Variants in KAT6B observed in about 807,000 individuals in gnomAD.
The protein encoded by KAT6B is lysine acetyltransferase 6B.
In KAT6B, 10 loss-of-function variants were observed where a neutral mutation model predicts 187.5. The observed-to-expected ratio is 0.05, with a 90% confidence interval of 0.03 to 0.09. The LOEUF (loss-of-function observed/expected upper bound fraction) is 0.09, where lower values mean the gene tolerates loss of function less well. Among genes scored for constraint, KAT6B ranks in the 10% least tolerant of loss-of-function variants. KAT6B has a pLI of 1.00. For synonymous variants in KAT6B, 861 were observed against 926.8 expected, an observed-to-expected ratio of 0.93 and a Z score of 1.29; for missense variants, 1,952 against 2,558.9, an observed-to-expected ratio of 0.76 and a Z score of 5.12.
At chr10:74,952,288 C>G (rs1450095001) in intron 3 of KAT6B, among the ~76,000 whole-genome samples, 1 of 286 alleles carries the variant, frequency 3.5e-3, no homozygotes, top group Non-Finnish European at 7.7e-3. Context: ...CCCTGGAGAT[C>G]GAGCTGGAGT....
intron 3 of KAT6B, among the ~76,000 whole-genome samples, chr10:74,926,571 C>T (rs965824346): frequency 6.6e-6 from 1 of 152,212 alleles, no homozygotes; most frequent in African/African-American, 2.4e-5. Flanking sequence ...GACGGAGGTC[C>T]TTTCTTGGGC....
rs571870889 is a variant in KAT6B, at chr10:74,929,356, A to G, written c.622-30614A>G. Among the ~76,000 whole-genome samples the G allele has an allele frequency of 2.0e-5, 3 of 152,292 alleles. No individual in the cohort carries two copies. The South Asian group carries it at 6.2e-4, about 32-fold the overall frequency. On this transcript the variant is annotated intron_variant, in intron 3 of 17. Transcript: ENST00000287239. ...TCTGTTTTGAAAACATTCCGTTTCTACCCTGTATTACAGATGCTCTTGCGT... is the reference window on the plus strand; with the variant it reads ...TCTGTTTTGAAAACATTCCGTTTCTGCCCTGTATTACAGATGCTCTTGCGT...
At chr10:74,905,739 A>T (rs1316220023) in intron 3 of KAT6B, among the ~76,000 whole-genome samples, 1 of 152,154 alleles carries the variant, frequency 6.6e-6, no homozygotes, top group Non-Finnish European at 1.5e-5. Flanking sequence ...AGGAGTTAGA[A>T]TTGTCTGGAA....
At chr10:74,915,028 G>C (rs1307594848) in intron 3 of KAT6B, among the ~76,000 whole-genome samples, 1 of 152,142 alleles carries the variant, frequency 6.6e-6, no homozygotes, top group Non-Finnish European at 1.5e-5. Context: ...GGAGCTCAGG[G>C]ATTCAAGGTT....
chr10:75,017,613 CA>C (rs540194584), intron 13 of KAT6B, among the ~76,000 whole-genome samples: 57 of 144,016 alleles, frequency 4.0e-4, no homozygotes, highest in East Asian at 6.0e-4. Context: ...GTCTCTGTCT[CA>C]AAAAAAAAAA....
At position 74,964,597 on chromosome 10, in the gene KAT6B, C is replaced by T. The variant is rs562020558; in HGVS notation, c.730+4519C>T. On this transcript the variant is annotated intron_variant, in intron 4 of 17. Coordinates refer to ENST00000287239, the MANE Select transcript of KAT6B (RefSeq NM_012330.4). The stretch of plus-strand genomic sequence containing the variant: ...AGCTTCTGACCCTAGATACAAATAA[C>T]TATAGAGCTTTTCCAACGAGTCTAC... Among the ~76,000 whole-genome samples the T allele has an allele frequency of 3.1e-4, 47 of 152,268 alleles. 1 individual carries two copies. The Middle Eastern group carries it at 0.027, about 88-fold the overall frequency.
chr10:74,984,397 A>T (rs1440291475), intron 11 of KAT6B: 2 of 152,248 alleles, frequency 1.3e-5, no homozygotes, highest in African/African-American at 4.8e-5. Flanking sequence ...AGAAATTGGC[A>T]TCTGTGCCTA....
intron 13 of KAT6B, among the ~76,000 whole-genome samples, chr10:75,005,432 G>A (rs1229058509): frequency 1.3e-5 from 2 of 151,810 alleles, no homozygotes; most frequent in African/African-American, 4.8e-5. Context: ...TGCCCAGGCT[G>A]GTCTCAAACT....
At chr10:75,018,144 C>T (rs1399736854) in intron 13 of KAT6B, among the ~76,000 whole-genome samples, 1 of 152,256 alleles carries the variant, frequency 6.6e-6, no homozygotes, top group African/African-American at 2.4e-5. Flanking sequence ...CAGTTGTCTT[C>T]TTTACAGCAC....
At chr10:74,917,666 A>G (rs1178288576) in intron 3 of KAT6B, among the ~76,000 whole-genome samples, 3 of 152,200 alleles carry the variant, frequency 2.0e-5, no homozygotes, top group Non-Finnish European at 4.4e-5. Flanking sequence ...CCTTTGTACT[A>G]TCTCCCTAGA....
intron 3 of KAT6B, among the ~76,000 whole-genome samples, chr10:74,875,466 CT>C (rs1282689342): frequency 1.3e-5 from 2 of 149,936 alleles, no homozygotes; most frequent in South Asian, 2.1e-4. Context: ...AATTGTCTTC[CT>C]TTTTTTCTTT....
In KAT6B at chr10:74,975,739, G is replaced by T. The variant is rs756967393; in HGVS notation, c.1402G>T (p.Val468Phe). 2.5e-6 allele frequency: 4 copies of T among 1,614,180 alleles called. No homozygotes were observed. Among genetic ancestry groups the T allele is most frequent in the Non-Finnish European group, 2.5e-6 (3 of 1,180,034 alleles). The part of the protein sequence containing the change: ...FSKHYRPRKK[V>F]SQKQSCTSHV... ...AAAGCACTATCGTCCAAGGAAAAAG[G>T]TCTCTCAGAAACAGTCATGCACTTC... The change falls in exon 8 of 18, where the codon GTC (valine) becomes TTC (phenylalanine). Residue 468 changes from valine (V) to phenylalanine (F), a missense_variant. Val to Phe is a conservative substitution (Grantham distance 50). This residue lies in a region of KAT6B where 417 missense variants were observed against 508.9 expected (regional missense o/e 0.82). Transcript: ENST00000287239.
chr10:74,921,108 ATTTTTTT>A (rs10550175), intron 3 of KAT6B, among the ~76,000 whole-genome samples: 6 of 109,514 alleles, frequency 5.5e-5, no homozygotes, highest in Non-Finnish European at 1.0e-4. Flanking sequence ...TGTAGTCTAA[ATTTTTTT>A]TTTTTTTTTT....
intron 13 of KAT6B, among the ~76,000 whole-genome samples, chr10:74,995,029 G>A (rs141124025): frequency 3.5e-4 from 53 of 152,196 alleles, no homozygotes; most frequent in Non-Finnish European, 5.7e-4. Context: ...GCCACCATAC[G>A]GTTGTATTCT....
chr10:74,998,451 G>C (rs947182512), intron 13 of KAT6B, among the ~76,000 whole-genome samples: 1 of 151,986 alleles, frequency 6.6e-6, no homozygotes, highest in African/African-American at 2.4e-5. Flanking sequence ...AAAAAAAAAG[G>C]TGTAATTAAT....
chr10:75,001,085 G>A (rs1456674658), intron 13 of KAT6B, among the ~76,000 whole-genome samples: 3 of 152,042 alleles, frequency 2.0e-5, no homozygotes, highest in East Asian at 1.9e-4. Context: ...ACAGCCAACC[G>A]GATTTAAGGA....
intron 3 of KAT6B, among the ~76,000 whole-genome samples, chr10:74,931,090 G>T (rs1196697914): frequency 6.6e-6 from 1 of 152,158 alleles, no homozygotes; most frequent in African/African-American, 2.4e-5. Context: ...AGAAGTGCCT[G>T]GGTGCCCTAG....
At chr10:74,850,023 C>T (rs1842372530) in intron 3 of KAT6B, among the ~76,000 whole-genome samples, 2 of 151,840 alleles carry the variant, frequency 1.3e-5, no homozygotes, top group African/African-American at 4.8e-5. Context: ...ACTGCAAGCT[C>T]CGCCTTCCGG....
At chr10:74,918,470 G>A (rs539400391) in intron 3 of KAT6B, among the ~76,000 whole-genome samples, 2 of 152,306 alleles carry the variant, frequency 1.3e-5, no homozygotes, top group South Asian at 2.1e-4. Context: ...GGCTGGGCAC[G>A]GTGGCTCATG....
Sources: allele counts gnomAD v4.1 joint callset (sites outside exome capture counted in the v4.1 genomes callset), GRCh38; gene constraint gnomAD v4.1.1; regional missense constraint gnomAD v4.1.1; transcripts MANE v1.5; gene names NCBI Gene and HGNC (gene_info 2026-07-23, HGNC 2026-07-21).